TRAK1: variants seen among roughly 807,000 people sequenced by gnomAD.
TRAK1 encodes trafficking kinesin protein 1.
TRAK1 carries 33 observed loss-of-function variants against 92.1 expected under a neutral mutation model. That is an observed-to-expected ratio of 0.36 (90% CI 0.27 to 0.48). TRAK1 has a LOEUF of 0.48. Among genes scored for constraint, TRAK1 ranks in the 20% least tolerant of loss-of-function variants. The pLI is 0.99. For synonymous variants in TRAK1, 521 were observed against 517.3 expected, an observed-to-expected ratio of 1.01 and a Z score of -0.10; for missense variants, 1,123 against 1,257.9, an observed-to-expected ratio of 0.89 and a Z score of 1.62.
chr3:42,172,046 C>T (rs1576776891), intron 2 of TRAK1, among the ~76,000 whole-genome samples: 4 of 152,272 alleles, frequency 2.6e-5, no homozygotes, highest in South Asian at 2.1e-4. Context: ...CAGGGCTCCT[C>T]GTTTGAATTT....
chr3:42,136,883 C>T (rs751417465), intron 2 of TRAK1, among the ~76,000 whole-genome samples: 4 of 152,036 alleles, frequency 2.6e-5, no homozygotes, highest in Non-Finnish European at 4.4e-5. Context: ...GGGTTTCACC[C>T]TGTTGGCCAG....
chr3:42,218,697 C>T (rs1709990918), intron 14 of TRAK1: 2 of 985,340 alleles, frequency 2.0e-6, no homozygotes, highest in African/African-American at 3.5e-5. Context: ...TCAGCAATAA[C>T]TTGTTAGAAC....
chr3:42,212,148 G>T (rs950809781), intron 14 of TRAK1: 3 of 985,328 alleles, frequency 3.0e-6, no homozygotes, highest in Non-Finnish European at 3.6e-6. Context: ...GTCCCAAGTA[G>T]CTCTATGCCT....
intron 2 of TRAK1, chr3:42,160,471 A>T (rs764062131): frequency 7.4e-6 from 12 of 1,613,742 alleles, no homozygotes; most frequent in Admixed American, 1.7e-5. Context: ...CTCTTGGAAG[A>T]GGGTAAATTC....
At chr3:42,160,248 C>T (rs952775848) in intron 2 of TRAK1, 35 of 1,531,500 alleles carry the variant, frequency 2.3e-5, no homozygotes, top group East Asian at 6.9e-5. Context: ...CAGGCCAGGG[C>T]GCAGTGTGTG....
chr3:42,216,507 C>A (rs1232759324), intron 14 of TRAK1, among the ~76,000 whole-genome samples: 1 of 152,192 alleles, frequency 6.6e-6, no homozygotes, highest in African/African-American at 2.4e-5. Flanking sequence ...GTGGTTCTCA[C>A]TCTTGCAAAG....
chr3:42,189,635 A>G (rs2149416365), intron 6 of TRAK1, among the ~76,000 whole-genome samples: 1 of 151,998 alleles, frequency 6.6e-6, no homozygotes, highest in East Asian at 1.9e-4. Context: ...GGTTCAAGCT[A>G]TTCTCCTGTC....
chr3:42,196,992 T>C (rs1706774041), intron 10 of TRAK1, among the ~76,000 whole-genome samples: 1 of 89,326 alleles, frequency 1.1e-5, no homozygotes, highest in Non-Finnish European at 2.2e-5. Flanking sequence ...TTTCTCTCTC[T>C]CTCTCTCTCT....
intron 1 of TRAK1, among the ~76,000 whole-genome samples, chr3:42,043,168 G>A (rs549466704): frequency 2.0e-5 from 3 of 152,006 alleles, no homozygotes; most frequent in Admixed American, 1.3e-4. Context: ...CAGCAGCTTA[G>A]CAACCATTTC....
intron 1 of TRAK1, among the ~76,000 whole-genome samples, chr3:42,098,967 C>T (rs1233911226): frequency 6.6e-6 from 1 of 150,562 alleles, no homozygotes; most frequent in Non-Finnish European, 1.5e-5. Context: ...CGGTAGAGGC[C>T]ATGCAGAGGA....
chr3:42,183,461 C>A (rs1704308108), intron 3 of TRAK1, among the ~76,000 whole-genome samples: 1 of 149,662 alleles, frequency 6.7e-6, no homozygotes, highest in Non-Finnish European at 1.5e-5. Context: ...GGGGCTGAGG[C>A]AGGAGAATTG....
intron 1 of TRAK1, among the ~76,000 whole-genome samples, chr3:42,074,692 T>C (rs376866984): frequency 0.079 from 11,938 of 151,362 alleles, 497 homozygotes; most frequent in Non-Finnish European, 0.092. Flanking sequence ...TTTTTTTTTT[T>C]CCCAACTTTT....
In TRAK1 at chr3:42,081,020, A is replaced by T. The variant is rs139375001; in HGVS notation, c.-518-6084A>T. Among the ~76,000 whole-genome samples the T allele has an allele frequency of 1.2e-3, 178 of 152,182 alleles. No individual in the cohort carries two copies. In the Middle Eastern group the frequency reaches 0.014, roughly 12 times the overall value. On this transcript the variant is annotated intron_variant, in intron 1 of 16. Transcript: ENST00000487159. Reference sequence around the variant, plus strand: ...CTCCCTAGTAGCAGGGACCACAGACACATGCCACCAATCCTGGTCAATTTT... The same window carrying T: ...CTCCCTAGTAGCAGGGACCACAGACTCATGCCACCAATCCTGGTCAATTTT...
chr3:42,214,807 A>AG (rs1418974357), intron 14 of TRAK1, among the ~76,000 whole-genome samples: 2 of 152,212 alleles, frequency 1.3e-5, no homozygotes, highest in Non-Finnish European at 2.9e-5. Context: ...ACGGAGCTGC[A>AG]GGGGCAGTCG....
intron 1 of TRAK1, among the ~76,000 whole-genome samples, chr3:42,020,197 C>T (rs1310018504): frequency 6.6e-6 from 1 of 152,208 alleles, no homozygotes. Context: ...TATTTTATAT[C>T]ATGTTGCATT....
Position 42,189,037 on chromosome 3 carries a change from C to T in TRAK1, c.603C>T (p.Ser201=), listed in dbSNP as rs753910461. 1.2e-6 allele frequency: 2 copies of T among 1,613,900 alleles called. No individual in the cohort carries two copies. The highest frequency in any genetic ancestry group is 1.7e-6 in the Non-Finnish European group (2 of 1,179,742). The change falls in exon 6 of 16, where the codon TCC becomes TCT. Residue 201 remains serine, a synonymous_variant. Transcript: ENST00000327628. ...CSTPLKRNES[S]SSVQNYFHLD... ...CCAGGTTGAAGAGGAATGAGTCGTC[C>T]TCCTCAGTCCAGAATTACTTTCATT...
At chr3:42,013,386 G>A (rs1418166179), upstream of TRAK1, among the ~76,000 whole-genome samples, 4 of 152,310 alleles carry the variant, frequency 2.6e-5, no homozygotes, top group East Asian at 7.7e-4. The surrounding 1 kb of genome is among the most constrained non-coding windows in gnomAD (Gnocchi z 5.1). Context: ...AGCGCTCGGG[G>A]AGGGATGTGA....
chr3:42,054,904 ATTTTTTTTTTTTTTTTT>A (rs1157067369), intron 1 of TRAK1, among the ~76,000 whole-genome samples: 35 of 37,106 alleles, frequency 9.4e-4, no homozygotes, highest in African/African-American at 1.2e-3. Context: ...AGCAAACTAG[ATTTTTTTTTTTTTTTTT>A]TTTTTTTTTT....
chr3:42,038,448 G>T (rs1481152567), intron 1 of TRAK1, among the ~76,000 whole-genome samples: 1 of 152,130 alleles, frequency 6.6e-6, no homozygotes, highest in Non-Finnish European at 1.5e-5. Context: ...CCTCAGCTGG[G>T]ACCACAGGTG....
Sources: gnomAD v4.1 joint callset for allele counts (sites outside exome capture counted in the v4.1 genomes callset) on GRCh38, gnomAD v4.1.1 for gene constraint, Gnocchi (gnomAD v3.1) non-coding constraint, MANE v1.5 for transcripts, NCBI Gene and HGNC (gene_info 2026-07-23, HGNC 2026-07-21) for gene names.